Variants in USP47 observed in about 807,000 individuals in gnomAD.
The protein encoded by USP47 is ubiquitin carboxyl-terminal hydrolase 47.
USP47 carries 35 observed loss-of-function variants against 165.1 expected under a neutral mutation model. That is an observed-to-expected ratio of 0.21 (90% CI 0.16 to 0.28). The LOEUF (loss-of-function observed/expected upper bound fraction) is 0.28, where lower values mean the gene tolerates loss of function less well. Ranked by LOEUF, USP47 falls within the 10% of genes least tolerant of loss-of-function variation. The pLI is 1.00. For missense variants in USP47, 1,277 were observed against 1,607.4 expected (o/e 0.79, Z 3.52); for synonymous variants, 531 against 544.5 (o/e 0.98, Z 0.35).
At chr11:11,905,125 C>T (rs1464943963) in intron 7 of USP47, among the ~76,000 whole-genome samples, 3 of 151,570 alleles carry the variant, frequency 2.0e-5, no homozygotes, top group East Asian at 1.9e-4. Context: ...ATATTGAAAT[C>T]GTTAATTTTT....
intron 8 of USP47, among the ~76,000 whole-genome samples, chr11:11,912,131 CAAATCAG>C (rs1853042089): frequency 4.0e-5 from 6 of 150,212 alleles, no homozygotes; most frequent in Middle Eastern, 3.4e-3. Context: ...GGAAAAGGGC[CAAATCAG>C]AAATCTAAGC....
In USP47 at chr11:11,876,313, T is replaced by C. The variant is rs370885013; in HGVS notation, c.40-3864T>C. On this transcript the variant is annotated intron_variant, in intron 1 of 27. Coordinates refer to ENST00000527733, the MANE Select transcript of USP47 (RefSeq NM_001282659.2). ...CCCTAAATCATGATGTATCCTCAGATGCCTTTTCTTAATGTTGGATGTAGT... is the reference window on the plus strand; with the variant it reads ...CCCTAAATCATGATGTATCCTCAGACGCCTTTTCTTAATGTTGGATGTAGT... Among the ~76,000 whole-genome samples, 3 of 152,318 alleles carry C rather than the reference T, an allele frequency of 2.0e-5. No individual in the cohort carries two copies. The South Asian group carries it at 6.2e-4, about 32-fold the overall frequency.
In USP47 at chr11:11,942,603, A is replaced by G; in HGVS notation, c.2582A>G (p.Lys861Arg). ...CTAGAAGAAAGCACTGAAAAACTCA[A>G]AAGCTTGTCACTGCAGCAACAGCAG... ...AILEESTEKL[K>R]SLSLQQQQDG... is the part of the protein sequence containing the mutation. Residue 861 changes from lysine (K) to arginine (R), a missense_variant, in exon 20 of 28, where the codon AAA (lysine) becomes AGA (arginine). Physicochemically the swap from Lys to Arg is conservative, Grantham distance 26. Around this residue, in one of 4 missense-constraint regions of USP47, gnomAD observed 909 missense variants for 1,068.1 expected, o/e 0.85. Coordinates refer to ENST00000527733, the MANE Select transcript of USP47 (RefSeq NM_001282659.2). The G allele has an allele frequency of 1.2e-6, 2 of 1,613,564 alleles. No individual in the cohort carries two copies. The highest frequency in any genetic ancestry group is 1.7e-6 in the Non-Finnish European group (2 of 1,179,764).
In USP47 at chr11:11,871,526, AAAAAAAAAAAAAG is replaced by A. The variant is rs1358457128; in HGVS notation, c.40-8648_40-8636del. Among the ~76,000 whole-genome samples, 78 of 116,842 alleles carry A rather than the reference AAAAAAAAAAAAAG, an allele frequency of 6.7e-4. 3 individuals are homozygous for A. In the East Asian group the frequency reaches 0.012, roughly 17 times the overall value. The allele number at this position is 116,842 out of a possible 152,430, so 76.7% of individuals were successfully genotyped here. ...CAAAAAAAAAAAAAAAAAAAAAAAAAAAAAAAAAAAAAGAATTCTGGTTGGTGGGAACCTAAGT... is the reference window on the plus strand; with the variant it reads ...CAAAAAAAAAAAAAAAAAAAAAAAAAAATTCTGGTTGGTGGGAACCTAAGT... On this transcript the variant is annotated intron_variant, in intron 1 of 27. Transcript: ENST00000527733.
chr11:11,950,230 C>A, intron 23 of USP47, 134 bp from the exon 24 acceptor site: 1 of 729,646 alleles, frequency 1.4e-6, no homozygotes, highest in Non-Finnish European at 2.1e-6. Context: ...CTTTATTTCC[C>A]CAGATTTTAA....
intron 27 of USP47, among the ~76,000 whole-genome samples, 162 bp downstream of exon 27, chr11:11,955,326 T>C (rs746677113): frequency 1.4e-4 from 21 of 152,236 alleles, no homozygotes; most frequent in Non-Finnish European, 2.6e-4. Context: ...AGTTTTCTAG[T>C]AGCCACATTA....
At chr11:11,938,440 C>A in intron 18 of USP47, 68 bp downstream of exon 18, 1 of 1,162,176 alleles carries the variant, frequency 8.6e-7, no homozygotes, top group Non-Finnish European at 1.3e-6. Context: ...CACTATGTGA[C>A]AGTTATGAAT....
At chr11:11,919,966 A>G (rs1457133326) in intron 8 of USP47, among the ~76,000 whole-genome samples, 190 bp from the exon 9 acceptor site, 1 of 151,714 alleles carries the variant, frequency 6.6e-6, no homozygotes, top group Non-Finnish European at 1.5e-5. Flanking sequence ...AGAATGAAAT[A>G]ATTTTTTTTG....
At chr11:11,938,446 T>A in intron 18 of USP47, 74 bp downstream of exon 18, 1 of 1,088,358 alleles carries the variant, frequency 9.2e-7, no homozygotes, top group Non-Finnish European at 1.4e-6. Flanking sequence ...GTGACAGTTA[T>A]GAATAAGATA....
chr11:11,882,230 T>C (rs555289856), intron 2 of USP47, among the ~76,000 whole-genome samples: 1 of 152,278 alleles, frequency 6.6e-6, no homozygotes, highest in East Asian at 1.9e-4. Context: ...GATACTGGAT[T>C]GGTTTATTTT....
At chr11:11,902,887 G>A (rs61870727) in intron 6 of USP47, 27 bp downstream of exon 6, 21 of 1,515,468 alleles carry the variant, frequency 1.4e-5, no homozygotes, top group Middle Eastern at 1.8e-4. Context: ...AATGATAAGC[G>A]TTCTAATATT....
At chr11:11,864,993 G>A (rs1428223252) in intron 1 of USP47, among the ~76,000 whole-genome samples, 1 of 152,046 alleles carries the variant, frequency 6.6e-6, no homozygotes, top group Non-Finnish European at 1.5e-5. Flanking sequence ...CCTCTGTTGT[G>A]ATGTGATCAG....
chr11:11,862,378 A>G (rs1194601877), intron 1 of USP47, among the ~76,000 whole-genome samples: 2 of 152,154 alleles, frequency 1.3e-5, no homozygotes, highest in Admixed American at 6.5e-5. Flanking sequence ...TTTCTTAGCT[A>G]AGCACAATCG....
In USP47 at chr11:11,960,711, A is replaced by C. The variant is rs2134961363; in HGVS notation, c.*4536A>C. The stretch of plus-strand genomic sequence containing the variant: ...CAGGGCAATTGTGCTGCTGCTGCTG[A>C]GGTGGCCACTTTCAGCAAGCCCTGT... On this transcript the variant is annotated 3_prime_UTR_variant, in exon 28 of 28. Transcript: ENST00000527733. Among the ~76,000 whole-genome samples, 1 of 152,328 alleles carries C rather than the reference A, an allele frequency of 6.6e-6. No homozygotes were observed. Among genetic ancestry groups the C allele is most frequent in the South Asian group, 2.1e-4 (1 of 4,824 alleles).
chr11:11,938,345 T>C lies in USP47; in HGVS notation c.2166T>C (p.Val722=), dbSNP rs1416880560. ...TTCGTGCTTACTTAAATCAGACAGT[T>C]ACAGAATTCAAACAACTGATTTCAA... ...ITVRAYLNQT[V]TEFKQLISKA... The change falls in exon 18 of 28, where the codon GTT becomes GTC. Residue 722 remains valine (V), a synonymous_variant. Transcript: ENST00000527733. 1 of 1,611,942 alleles carries C rather than the reference T, an allele frequency of 6.2e-7. No individual in the cohort carries two copies. Among genetic ancestry groups the C allele is most frequent in the East Asian group, 2.2e-5 (1 of 44,784 alleles).
chr11:11,895,825 C>G (rs1015220112), intron 4 of USP47, among the ~76,000 whole-genome samples: 3 of 152,082 alleles, frequency 2.0e-5, no homozygotes, highest in Non-Finnish European at 2.9e-5. Flanking sequence ...TTTGATTTCT[C>G]CTTCTTTAGT....
chr11:11,864,495 A>T (rs1437219500), intron 1 of USP47, among the ~76,000 whole-genome samples: 1 of 152,072 alleles, frequency 6.6e-6, no homozygotes, highest in Non-Finnish European at 1.5e-5. Context: ...TTTTCATCTT[A>T]CAAAACTGAA....
intron 1 of USP47, among the ~76,000 whole-genome samples, chr11:11,879,608 T>C (rs1850700859): frequency 6.6e-6 from 1 of 152,126 alleles, no homozygotes; most frequent in Non-Finnish European, 1.5e-5. Context: ...GATAAGCTTG[T>C]CAGCCCCTGA....
rs545671049 is a variant in USP47, at chr11:11,923,920, G to T, written c.1386+1029G>T. 2.0e-3 allele frequency among the ~76,000 whole-genome samples: 302 copies of T among 152,338 alleles called. 2 individuals carry two copies. The highest frequency in any genetic ancestry group is 6.9e-3 in the African/African-American group (289 of 41,584). On this transcript the variant is annotated intron_variant, in intron 11 of 27. Coordinates refer to ENST00000527733, the MANE Select transcript of USP47 (RefSeq NM_001282659.2). ...ACTATGGCTCAAGAGCCAAATCTGG[G>T]CCCTTGCCTGTGTTTTTACATACAC...
Sources: allele counts gnomAD v4.1 joint callset (sites outside exome capture counted in the v4.1 genomes callset), GRCh38; gene constraint gnomAD v4.1.1; regional missense constraint gnomAD v4.1.1; transcripts MANE v1.5; gene names NCBI Gene and HGNC (gene_info 2026-07-23, HGNC 2026-07-21).